CBFA2T2: variants seen among roughly 807,000 people sequenced by gnomAD.
CBFA2T2 encodes the protein protein CBFA2T2.
Under a neutral mutation model 62.2 loss-of-function variants are expected in CBFA2T2, and 11 were observed. The observed-to-expected ratio is 0.18, with a 90% CI of 0.11 to 0.29. The LOEUF (loss-of-function observed/expected upper bound fraction) is 0.29, where lower values mean the gene tolerates loss of function less well. Among genes scored for constraint, CBFA2T2 ranks in the 10% least tolerant of loss-of-function variants. The pLI, the probability that CBFA2T2 is intolerant of heterozygous loss-of-function variation, is 1.00. For missense variants in CBFA2T2, 592 were observed against 774.1 expected, an observed-to-expected ratio of 0.76 and a Z score of 2.79; for synonymous variants, 295 against 287.5, an observed-to-expected ratio of 1.03 and a Z score of -0.27.
intron 1 of CBFA2T2, among the ~76,000 whole-genome samples, chr20:33,593,107 A>G (rs896834345): frequency 2.0e-5 from 3 of 152,070 alleles, no homozygotes; most frequent in African/African-American, 7.2e-5. Flanking sequence ...CAAGGCAGGC[A>G]GATCACTTGA....
At chr20:33,581,475 GTTC>G (rs781113100) in intron 1 of CBFA2T2, among the ~76,000 whole-genome samples, 19 of 149,422 alleles carry the variant, frequency 1.3e-4, no homozygotes, top group Non-Finnish European at 2.1e-4. Flanking sequence ...TTTGTTTTTT[GTTC>G]TTTGTGTGTG....
chr20:33,600,182 G>GTTGT (rs1568844383), intron 1 of CBFA2T2, among the ~76,000 whole-genome samples: 19 of 62,064 alleles, frequency 3.1e-4, no homozygotes, highest in Admixed American at 5.6e-4. Flanking sequence ...CTTTTGGAAA[G>GTTGT]TTTTTTTTTT....
intron 1 of CBFA2T2, among the ~76,000 whole-genome samples, chr20:33,525,892 G>A (rs1236209594): frequency 5.3e-5 from 8 of 152,082 alleles, no homozygotes; most frequent in Non-Finnish European, 1.0e-4. Context: ...GAGCTCAAGC[G>A]ATCCTTGTGC....
chr20:33,540,932 G>A (rs1160571695), intron 1 of CBFA2T2, among the ~76,000 whole-genome samples: 1 of 152,154 alleles, frequency 6.6e-6, no homozygotes, highest in Non-Finnish European at 1.5e-5. Flanking sequence ...AATGTGAAAG[G>A]TAACCCTAGA....
chr20:33,549,508 A>G (rs1361524546), intron 1 of CBFA2T2, among the ~76,000 whole-genome samples: 1 of 152,240 alleles, frequency 6.6e-6, no homozygotes, highest in Non-Finnish European at 1.5e-5. Context: ...AAAAGATGAC[A>G]TATCCTTTCA....
intron 3 of CBFA2T2, among the ~76,000 whole-genome samples, chr20:33,612,192 C>T (rs1262346571): frequency 5.9e-5 from 9 of 152,182 alleles, no homozygotes; most frequent in South Asian, 2.1e-4. Context: ...CTATACTGCA[C>T]GTGGTGAACC....
intron 3 of CBFA2T2, among the ~76,000 whole-genome samples, chr20:33,612,219 GA>G (rs1427940264): frequency 6.6e-6 from 1 of 152,200 alleles, no homozygotes; most frequent in Non-Finnish European, 1.5e-5. Flanking sequence ...ATAAAGGAGT[GA>G]TTTTCTGACT....
intron 1 of CBFA2T2, among the ~76,000 whole-genome samples, chr20:33,506,930 CTG>C: frequency 6.6e-6 from 1 of 152,170 alleles, no homozygotes; most frequent in East Asian, 1.9e-4. Context: ...TCCAAAAAAA[CTG>C]TAACTGGTAA....
intron 1 of CBFA2T2, among the ~76,000 whole-genome samples, chr20:33,537,347 C>T (rs1221872263): frequency 3.9e-5 from 6 of 152,224 alleles, no homozygotes; most frequent in Non-Finnish European, 7.3e-5. Context: ...ACCAGTCAGG[C>T]GTGGCAGCGC....
chr20:33,511,169 G>A (rs2011505035), intron 1 of CBFA2T2, among the ~76,000 whole-genome samples: 1 of 152,126 alleles, frequency 6.6e-6, no homozygotes, highest in Non-Finnish European at 1.5e-5. Context: ...TTTGGCTTTT[G>A]TTGCCATTGC....
chr20:33,587,423 C>T (rs943983809), intron 1 of CBFA2T2, among the ~76,000 whole-genome samples: 4 of 152,132 alleles, frequency 2.6e-5, no homozygotes, highest in East Asian at 1.9e-4. Context: ...CCTGCCACAA[C>T]GCCCGGCTAA....
At chr20:33,537,425 G>T (rs974571822) in intron 1 of CBFA2T2, among the ~76,000 whole-genome samples, 6 of 152,236 alleles carry the variant, frequency 3.9e-5, no homozygotes, top group Non-Finnish European at 8.8e-5. Flanking sequence ...GCAGTGAGCC[G>T]AGATGGCAGC....
chr20:33,501,696 G>C (rs2011285464), intron 1 of CBFA2T2, among the ~76,000 whole-genome samples: 1 of 124,260 alleles, frequency 8.0e-6, no homozygotes, highest in Admixed American at 1.0e-4. Flanking sequence ...CTGGAGTGCA[G>C]TGGTGCGATC....
chr20:33,564,261 C>CTTTT (rs1433517803), intron 1 of CBFA2T2, among the ~76,000 whole-genome samples: 1 of 143,144 alleles, frequency 7.0e-6, no homozygotes, highest in African/African-American at 2.7e-5. Flanking sequence ...TTTTCTTTTT[C>CTTTT]TTTCTTTTTT....
At chr20:33,611,647 T>A (rs1481816739) in intron 3 of CBFA2T2, among the ~76,000 whole-genome samples, 1 of 152,100 alleles carries the variant, frequency 6.6e-6, no homozygotes, top group Non-Finnish European at 1.5e-5. Context: ...TCCTGAGTAG[T>A]TGGGACTACA....
intron 1 of CBFA2T2, among the ~76,000 whole-genome samples, chr20:33,573,191 A>C (rs1469128235): frequency 6.6e-6 from 1 of 152,242 alleles, no homozygotes; most frequent in Non-Finnish European, 1.5e-5. Flanking sequence ...TGGAGATTAA[A>C]TTCTAGTAGA....
intron 1 of CBFA2T2, among the ~76,000 whole-genome samples, chr20:33,505,595 A>G (rs546342293): frequency 6.6e-6 from 1 of 152,028 alleles, no homozygotes; most frequent in South Asian, 2.1e-4. Context: ...ACCAGCCTCA[A>G]CATGGAGAAA....
chr20:33,508,674 C>A (rs1009046246), intron 1 of CBFA2T2, among the ~76,000 whole-genome samples: 2 of 152,062 alleles, frequency 1.3e-5, no homozygotes, highest in Non-Finnish European at 2.9e-5. Context: ...TGAAAACATG[C>A]GGTATTTGCT....
intron 1 of CBFA2T2, among the ~76,000 whole-genome samples, chr20:33,530,511 G>A (rs1269609667): frequency 2.0e-5 from 3 of 152,030 alleles, no homozygotes; most frequent in South Asian, 2.1e-4. Flanking sequence ...TCTGCCTCCC[G>A]GGTTCATGCA....
Sources: gnomAD v4.1 joint callset for allele counts (sites outside exome capture counted in the v4.1 genomes callset) on GRCh38, gnomAD v4.1.1 for gene constraint, MANE v1.5 for transcripts, NCBI Gene and HGNC (gene_info 2026-07-23, HGNC 2026-07-21) for gene names.